Variants in RASA1 observed in about 807,000 individuals in gnomAD.
The protein encoded by RASA1 is RAS p21 protein activator 1.
Under a neutral mutation model 132.2 loss-of-function variants are expected in RASA1, and 25 were observed. That is an observed-to-expected ratio of 0.19 (90% CI 0.14 to 0.26). The LOEUF (loss-of-function observed/expected upper bound fraction) is 0.26. Among genes scored for constraint, RASA1 ranks in the 10% least tolerant of loss-of-function variants. RASA1 has a pLI of 1.00. For synonymous variants in RASA1, 477 were observed against 449.9 expected, an observed-to-expected ratio of 1.06 and a Z score of -0.76; for missense variants, 964 against 1,299.2, an observed-to-expected ratio of 0.74 and a Z score of 3.97.
intron 1 of RASA1, among the ~76,000 whole-genome samples, chr5:87,276,817 CAT>C (rs776583495): frequency 1.3e-5 from 2 of 152,040 alleles, no homozygotes; most frequent in Non-Finnish European, 2.9e-5. Flanking sequence ...TTATGTGTAA[CAT>C]AGAGTTTTAG....
intron 9 of RASA1, among the ~76,000 whole-genome samples, chr5:87,360,376 G>A (rs887876325): frequency 2.6e-5 from 4 of 152,190 alleles, no homozygotes; most frequent in South Asian, 2.1e-4. Context: ...TGCCCGCCTC[G>A]GCCTCCTAAA....
At chr5:87,273,605 C>T (rs1356432353) in intron 1 of RASA1, among the ~76,000 whole-genome samples, 1 of 152,004 alleles carries the variant, frequency 6.6e-6, no homozygotes, top group Non-Finnish European at 1.5e-5. Flanking sequence ...GGTGAGAATC[C>T]AACCCACAGA....
At chr5:87,372,836 A>G (rs1341055482) in intron 13 of RASA1, among the ~76,000 whole-genome samples, 2 of 152,168 alleles carry the variant, frequency 1.3e-5, no homozygotes, top group Non-Finnish European at 2.9e-5. Flanking sequence ...TTTACTAACC[A>G]AAGTGTCTCC....
At chr5:87,286,503 C>G (rs1754572602) in intron 1 of RASA1, among the ~76,000 whole-genome samples, 1 of 151,448 alleles carries the variant, frequency 6.6e-6, no homozygotes, top group South Asian at 2.1e-4. Context: ...AAAAAAAAAA[C>G]TGCAAAGGTT....
At chr5:87,329,166 T>C (rs1361690083) in intron 1 of RASA1, among the ~76,000 whole-genome samples, 1 of 151,930 alleles carries the variant, frequency 6.6e-6, no homozygotes, top group Non-Finnish European at 1.5e-5. Context: ...AAAAATCGAC[T>C]CGGTGTGGTG....
At chr5:87,304,115 A>G (rs10057970) in intron 1 of RASA1, among the ~76,000 whole-genome samples, 91,663 of 151,932 alleles carry the variant, frequency 0.6, 29,834 homozygotes, top group African/African-American at 0.88. Flanking sequence ...GATTACAGGC[A>G]TGAGCCACTG....
intron 13 of RASA1, 47 bp from the exon 14 acceptor site, chr5:87,374,116 T>C (rs1462510620): frequency 7.8e-7 from 1 of 1,281,638 alleles, no homozygotes; most frequent in Admixed American, 3.5e-5. Flanking sequence ...GTAGTGCAAT[T>C]CTAGAAATCT....
At chr5:87,292,840 C>G (rs571318077) in intron 1 of RASA1, among the ~76,000 whole-genome samples, 1 of 152,144 alleles carries the variant, frequency 6.6e-6, no homozygotes, top group East Asian at 1.9e-4. Context: ...TGTAGTTTTT[C>G]TTTTATAGAT....
rs764599057 is a variant in RASA1, at chr5:87,374,907, C to G, written c.2002C>G (p.Pro668Ala). The change falls in exon 15 of 25, where the codon CCT (proline) becomes GCT (alanine). Residue 668 changes from proline to alanine, a missense_variant. Physicochemically the swap from Pro to Ala is conservative, Grantham distance 27. Transcript: ENST00000274376. ...LSNKTKKSKD[P>A]DILFMRCQLS... ...TAATAAAACAAAGAAAAGCAAAGAT[C>G]CTGATATCTGTAAGTTGATACAGAA... 3 of 1,605,822 alleles carry G rather than the reference C, an allele frequency of 1.9e-6. No homozygotes were observed. Among genetic ancestry groups the G allele is most frequent in the South Asian group, 2.2e-5 (2 of 90,512 alleles).
intron 23 of RASA1, 102 bp downstream of exon 23, chr5:87,387,005 C>T (rs370346443): frequency 3.5e-5 from 40 of 1,129,316 alleles, no homozygotes; most frequent in South Asian, 2.4e-4. Context: ...CTATCCAAAA[C>T]TAAAAAGACA....
intron 9 of RASA1, among the ~76,000 whole-genome samples, chr5:87,362,143 C>T (rs1224525081): frequency 6.6e-6 from 1 of 152,220 alleles, no homozygotes; most frequent in East Asian, 1.9e-4. Context: ...GCATTTCTCA[C>T]AGACACAATT....
At position 87,385,364 on chromosome 5, in the gene RASA1, C is replaced by A; in HGVS notation, c.2822C>A (p.Ala941Glu). 1 of 1,609,052 alleles carries A rather than the reference C, an allele frequency of 6.2e-7. No homozygotes were observed. The highest frequency in any genetic ancestry group is 8.5e-7 in the Non-Finnish European group (1 of 1,175,768). ...ILVAKSVQNL[A>E]NLVEFGAKEP... is the part of the protein sequence containing the mutation. ...GTGGCTAAATCTGTGCAGAACTTAG[C>A]AAATCTTGTGGAATTTGGAGCTAAG... The change falls in exon 22 of 25, where the codon GCA (alanine) becomes GAA (glutamate). Residue 941 changes from alanine to glutamate, a missense_variant. Around this residue, in one of 6 missense-constraint regions of RASA1, gnomAD observed 107 missense variants for 163.8 expected, o/e 0.65. Transcript: ENST00000274376.
intron 11 of RASA1, among the ~76,000 whole-genome samples, chr5:87,365,712 A>T (rs1329923223): frequency 1.3e-5 from 2 of 152,090 alleles, no homozygotes; most frequent in African/African-American, 4.8e-5. Flanking sequence ...AAATAATTTT[A>T]AAAAAATGTA....
In RASA1 at chr5:87,389,385, C is replaced by T. The variant is rs369251473; in HGVS notation, c.2926-8C>T. ...ATTTCTAAATGCAATTTTACGATTCCCTTAAAGAATGTACCTGAACTTCCG... is the reference window on the plus strand; with the variant it reads ...ATTTCTAAATGCAATTTTACGATTCTCTTAAAGAATGTACCTGAACTTCCG... On this transcript the variant is annotated splice_polypyrimidine_tract_variant and splice_region_variant and intron_variant, in intron 23 of 24. Coordinates refer to ENST00000274376, the MANE Select transcript of RASA1 (RefSeq NM_002890.3). 71 of 1,613,934 alleles carry T rather than the reference C, an allele frequency of 4.4e-5. No individual in the cohort carries two copies. The African/African-American group carries it at 8.8e-4, about 20-fold the overall frequency.
At chr5:87,307,922 G>T (rs1332769598) in intron 1 of RASA1, among the ~76,000 whole-genome samples, 2 of 152,134 alleles carry the variant, frequency 1.3e-5, no homozygotes, top group Non-Finnish European at 2.9e-5. Context: ...GGACGGCTTA[G>T]CCACTCCTGT....
At chr5:87,287,845 A>G (rs1445172526) in intron 1 of RASA1, among the ~76,000 whole-genome samples, 2 of 84,008 alleles carry the variant, frequency 2.4e-5, no homozygotes, top group African/African-American at 5.8e-5. Flanking sequence ...TATATACCAT[A>G]TATACACACA....
chr5:87,347,147 A>C (rs1327936546), intron 7 of RASA1, among the ~76,000 whole-genome samples: 3 of 151,968 alleles, frequency 2.0e-5, no homozygotes, highest in Non-Finnish European at 4.4e-5. Flanking sequence ...ATGGATTTAA[A>C]CTTTTCATTA....
Position 87,322,549 on chromosome 5 carries a change from C to T in RASA1, c.540-8799C>T, listed in dbSNP as rs561949753. On this transcript the variant is annotated intron_variant, in intron 1 of 24. Transcript: ENST00000274376. ...AGGAGCCTGGCTCCTCCCCCCTTCT[C>T]TTGCTCTCTCTGGTCATGTGATGTG... Among the ~76,000 whole-genome samples, 12 of 152,280 alleles carry T rather than the reference C, an allele frequency of 7.9e-5. No individual in the cohort carries two copies. In the East Asian group the frequency reaches 2.3e-3, roughly 29 times the overall value.
chr5:87,378,832 A>AG, intron 18 of RASA1, among the ~76,000 whole-genome samples: 1 of 152,314 alleles, frequency 6.6e-6, no homozygotes, highest in African/African-American at 2.4e-5. Flanking sequence ...GAAAGCGTGC[A>AG]TAAGATAAAT....
Sources: allele counts gnomAD v4.1 joint callset (sites outside exome capture counted in the v4.1 genomes callset), GRCh38; gene constraint gnomAD v4.1.1; regional missense constraint gnomAD v4.1.1; transcripts MANE v1.5; gene names NCBI Gene and HGNC (gene_info 2026-07-23, HGNC 2026-07-21).